TLK2: variants seen among roughly 807,000 people sequenced by gnomAD.
The protein encoded by TLK2 is tousled like kinase 2.
TLK2 carries 6 observed loss-of-function variants against 117.3 expected under a neutral mutation model. The observed-to-expected ratio is 0.05, with a 90% CI of 0.03 to 0.10. TLK2 has a LOEUF of 0.10. Among genes scored for constraint, TLK2 ranks in the 10% least tolerant of loss-of-function variants. The probability of loss-of-function intolerance (pLI) is 1.00; values close to 1 mark genes in which losing one functional copy is unlikely to be tolerated. For synonymous variants in TLK2, 257 were observed against 316.7 expected, an observed-to-expected ratio of 0.81 and a Z score of 2.00; for missense variants, 299 against 901.2, an observed-to-expected ratio of 0.33 and a Z score of 8.56.
chr17:62,478,976 G>C lies in TLK2; in HGVS notation c.-320G>C, dbSNP rs1016315780. On this transcript the variant is annotated 5_prime_UTR_variant, in exon 1 of 22. Coordinates refer to ENST00000346027, the MANE Select transcript of TLK2 (RefSeq NM_006852.6). ...CCTGGCCCGGCCTGGGCCCTCCTGC[G>C]CCTCCCTTGGCCTTTGTCCGGCGCC... 9 of 150,734 alleles carry C rather than the reference G, an allele frequency of 6.0e-5. No homozygotes were observed. Among genetic ancestry groups the C allele is most frequent in the African/African-American group, 2.2e-4 (9 of 41,322 alleles). 9.3% of individuals were successfully genotyped at this position (150,734 alleles called of 1,614,324 possible).
intron 11 of TLK2, 149 bp downstream of exon 11, chr17:62,565,286 G>A (rs1042242555): frequency 5.0e-6 from 5 of 999,208 alleles, no homozygotes; most frequent in South Asian, 3.7e-5. Flanking sequence ...GAAATGTATC[G>A]AATGAGGTGA....
At position 62,561,759 on chromosome 17, in the gene TLK2, A is replaced by T. The variant is rs147611397; in HGVS notation, c.831+1633A>T. ...TATAGAAAAGAAACCACTTTTTAAA[A>T]TTTTTTCTGAGAGTGAGAAAAAATA... On this transcript the variant is annotated intron_variant, in intron 10 of 21. Coordinates refer to ENST00000346027, the MANE Select transcript of TLK2 (RefSeq NM_006852.6). Among the ~76,000 whole-genome samples the T allele has an allele frequency of 6.7e-3, 1,016 of 152,312 alleles. 12 individuals carry two copies. Among genetic ancestry groups the T allele is most frequent in the African/African-American group, 0.023 (968 of 41,552 alleles).
chr17:62,607,715 C>T (rs2083421727), intron 20 of TLK2, among the ~76,000 whole-genome samples: 1 of 152,092 alleles, frequency 6.6e-6, no homozygotes. Context: ...TCCCTCAGAG[C>T]AGGTGAGGTT....
intron 21 of TLK2, among the ~76,000 whole-genome samples, chr17:62,610,432 T>C (rs923776363): frequency 2.0e-5 from 3 of 152,202 alleles, no homozygotes; most frequent in Non-Finnish European, 4.4e-5. Flanking sequence ...TATATTCCAC[T>C]TATGAGAAAA....
intron 6 of TLK2, among the ~76,000 whole-genome samples, chr17:62,535,021 T>G (rs2145818358): frequency 6.6e-6 from 1 of 151,574 alleles, no homozygotes; most frequent in South Asian, 2.1e-4. Flanking sequence ...CCCGAGTATC[T>G]TGGATTACAG....
At chr17:62,491,023 A>G (rs1312244562) in intron 2 of TLK2, among the ~76,000 whole-genome samples, 3 of 152,178 alleles carry the variant, frequency 2.0e-5, no homozygotes, top group African/African-American at 7.2e-5. Context: ...GGCATGTGCC[A>G]TTGCACCCAG....
chr17:62,477,078 G>A (rs1371767688), upstream of TLK2, among the ~76,000 whole-genome samples: 3 of 151,880 alleles, frequency 2.0e-5, no homozygotes, highest in Non-Finnish European at 2.9e-5. Context: ...GCGACAGAGC[G>A]AGACTCTGTC....
At chr17:62,550,462 A>G (rs2146165848) in intron 7 of TLK2, 1 of 152,366 alleles carries the variant, frequency 6.6e-6, no homozygotes, top group African/African-American at 2.4e-5. Flanking sequence ...TTGGATTGTA[A>G]GCTTCATTAA....
intron 11 of TLK2, among the ~76,000 whole-genome samples, chr17:62,568,943 A>G (rs2080034550): frequency 6.6e-6 from 1 of 152,210 alleles, no homozygotes; most frequent in South Asian, 2.1e-4. Context: ...GATCTTCTTT[A>G]GGTATCGTAT....
chr17:62,507,435 G>T (rs1433663969), intron 2 of TLK2: 1 of 152,140 alleles, frequency 6.6e-6, no homozygotes, highest in Admixed American at 6.6e-5. Context: ...TTTGACTCTG[G>T]TATGGTATGA....
At chr17:62,487,743 C>G (rs2072610953) in intron 2 of TLK2, among the ~76,000 whole-genome samples, 1 of 148,208 alleles carries the variant, frequency 6.7e-6, no homozygotes, top group African/African-American at 2.5e-5. Flanking sequence ...CCTGCCTCAG[C>G]CTCCCAAATA....
At chr17:62,540,552 C>G (rs1394394352) in intron 7 of TLK2, among the ~76,000 whole-genome samples, 2 of 150,894 alleles carry the variant, frequency 1.3e-5, no homozygotes. Flanking sequence ...GCGCGTACCA[C>G]CATACCCAGC....
chr17:62,505,667 T>G (rs1262314655), intron 2 of TLK2, among the ~76,000 whole-genome samples: 1 of 152,040 alleles, frequency 6.6e-6, no homozygotes, highest in East Asian at 1.9e-4. Context: ...TTGAGACATA[T>G]TCTTGCTATG....
chr17:62,511,566 C>G (rs1352030772), intron 2 of TLK2, among the ~76,000 whole-genome samples: 2 of 152,130 alleles, frequency 1.3e-5, no homozygotes, highest in Non-Finnish European at 2.9e-5. Flanking sequence ...GACAGGGTCT[C>G]ACTATATTGG....
chr17:62,479,125 G>C lies in TLK2; in HGVS notation c.-171G>C. 6.6e-6 allele frequency: 1 copy of C among 150,438 alleles called. No homozygotes were observed. Among genetic ancestry groups the C allele is most frequent in the African/African-American group, 2.4e-5 (1 of 41,236 alleles). 9.3% of individuals were successfully genotyped at this position (150,438 alleles called of 1,614,324 possible). On this transcript the variant is annotated 5_prime_UTR_variant, in exon 1 of 22. Coordinates refer to ENST00000346027, the MANE Select transcript of TLK2 (RefSeq NM_006852.6). ...CCCCCTCCCCCGCCCGCCCTCTCGTGGAGCCCGGCGCCGGCGGCGGCTGCC... is the reference window on the plus strand; with the variant it reads ...CCCCCTCCCCCGCCCGCCCTCTCGTCGAGCCCGGCGCCGGCGGCGGCTGCC...
chr17:62,513,128 C>T (rs1287469136), intron 2 of TLK2, among the ~76,000 whole-genome samples: 2 of 151,604 alleles, frequency 1.3e-5, no homozygotes, highest in Non-Finnish European at 2.9e-5. Flanking sequence ...GATCCACCTG[C>T]GTCGGCCTCC....
chr17:62,477,485 C>T (rs2071088974), upstream of TLK2: 2 of 152,260 alleles, frequency 1.3e-5, no homozygotes, highest in Admixed American at 6.5e-5. Flanking sequence ...CATCCTGTGT[C>T]GTTTCGGCAG....
chr17:62,499,067 G>A (rs1353610669), intron 2 of TLK2, among the ~76,000 whole-genome samples: 1 of 151,912 alleles, frequency 6.6e-6, no homozygotes, highest in Non-Finnish European at 1.5e-5. Flanking sequence ...TTGGCCAGGC[G>A]CAGTGACTCA....
intron 2 of TLK2, among the ~76,000 whole-genome samples, chr17:62,517,456 G>A (rs1334730978): frequency 5.3e-5 from 8 of 151,464 alleles, no homozygotes; most frequent in South Asian, 2.1e-4. Flanking sequence ...GTGCAGTGGC[G>A]CGATCTCAGC....
Sources: allele counts gnomAD v4.1 joint callset (sites outside exome capture counted in the v4.1 genomes callset), GRCh38; gene constraint gnomAD v4.1.1; transcripts MANE v1.5; gene names NCBI Gene and HGNC (gene_info 2026-07-23, HGNC 2026-07-21).